The following SAP30BP variants were observed in gnomAD, a reference collection of about 807,000 sequenced individuals.
The protein encoded by SAP30BP is SAP30 binding protein, also known as SAP30-binding protein.
A neutral mutation model predicts 46.3 loss-of-function variants in SAP30BP; 31 were observed. The observed-to-expected ratio is 0.67, with a 90% confidence interval of 0.50 to 0.90. The LOEUF (loss-of-function observed/expected upper bound fraction) is 0.90. Ranked by LOEUF, SAP30BP falls within the 40% of genes least tolerant of loss-of-function variation. The pLI is 0.00. For synonymous variants in SAP30BP, 169 were observed against 144.2 expected (o/e 1.17, Z -1.23); for missense variants, 312 against 391.0 (o/e 0.80, Z 1.70).
At chr17:75,682,830 G>T (rs1352207876) in intron 3 of SAP30BP, among the ~76,000 whole-genome samples, 1 of 151,388 alleles carries the variant, frequency 6.6e-6, no homozygotes, top group Non-Finnish European at 1.5e-5. Flanking sequence ...AGACATGGTG[G>T]CACGTGCCTG....
At position 75,699,851 on chromosome 17, in the gene SAP30BP, A is replaced by G; in HGVS notation, c.376A>G (p.Arg126Gly). 6.2e-7 allele frequency: 1 copy of G among 1,612,914 alleles called. No homozygotes were observed. The highest frequency in any genetic ancestry group is 8.5e-7 in the Non-Finnish European group (1 of 1,178,942). ...EIKIPPEPPG[R>G]CSNHLQDKIQ... ...CAAGATCCCGCCAGAACCCCCTGGC[A>G]GATGTTCAAATCACTTGCAAGTAAG... is the stretch of plus-strand genomic sequence containing the variant. Residue 126 changes from arginine to glycine, a missense_variant, in exon 5 of 11, where the codon AGA becomes GGA. By Grantham distance (125) the Arg-to-Gly change is moderately radical (BLOSUM62 -2). Transcript: ENST00000584667.
intron 4 of SAP30BP, among the ~76,000 whole-genome samples, chr17:75,694,859 T>C (rs746887263): frequency 2.6e-5 from 4 of 152,266 alleles, no homozygotes; most frequent in Admixed American, 2.0e-4. Context: ...CAGAGCCAAC[T>C]TGTCACTTTT....
intron 3 of SAP30BP, among the ~76,000 whole-genome samples, chr17:75,687,915 G>GC (rs2060181341): frequency 1.1e-5 from 1 of 93,786 alleles, no homozygotes; most frequent in Non-Finnish European, 2.1e-5. Context: ...GACAGTGTTT[G>GC]GGGTGTGTGT....
At chr17:75,677,106 CTTTTTTT>C (rs35919373) in intron 3 of SAP30BP, among the ~76,000 whole-genome samples, 4 of 113,494 alleles carry the variant, frequency 3.5e-5, no homozygotes, top group African/African-American at 1.3e-4. Context: ...TGGCAGAAAA[CTTTTTTT>C]TTTTTTTTTT....
intron 2 of SAP30BP, among the ~76,000 whole-genome samples, chr17:75,670,673 C>G (rs1251989009): frequency 6.6e-6 from 1 of 152,180 alleles, no homozygotes; most frequent in Admixed American, 6.5e-5. Flanking sequence ...TTGTATTTGT[C>G]TGAGCTCCAT....
chr17:75,695,142 AATCAGG>A (rs1008969749), intron 4 of SAP30BP, among the ~76,000 whole-genome samples: 1 of 152,172 alleles, frequency 6.6e-6, no homozygotes, highest in African/African-American at 2.4e-5. Context: ...ATTTCCTATA[AATCAGG>A]ATCTCCCCAC....
intron 6 of SAP30BP, 75 bp downstream of exon 6, chr17:75,702,646 G>C: frequency 1.4e-6 from 1 of 694,248 alleles, no homozygotes; most frequent in Admixed American, 2.3e-5. Flanking sequence ...CCCCAAGGAG[G>C]TGGTGAGGAA....
chr17:75,685,299 C>T (rs1001638307), intron 3 of SAP30BP, among the ~76,000 whole-genome samples: 9 of 152,190 alleles, frequency 5.9e-5, no homozygotes, highest in Non-Finnish European at 1.0e-4. Flanking sequence ...CCAGCACTTC[C>T]GACCTTCGTT....
chr17:75,681,175 A>C (rs2060070725), intron 3 of SAP30BP, among the ~76,000 whole-genome samples: 1 of 152,218 alleles, frequency 6.6e-6, no homozygotes, highest in Admixed American at 6.5e-5. Context: ...TGACATGTGG[A>C]GTAAGGCTGT....
chr17:75,699,843 C>G lies in SAP30BP; in HGVS notation c.368C>G (p.Pro123Arg). 1 of 1,613,062 alleles carries G rather than the reference C, an allele frequency of 6.2e-7. No individual in the cohort carries two copies. The highest frequency in any genetic ancestry group is 8.5e-7 in the Non-Finnish European group (1 of 1,179,142). Residue 123 changes from proline (P) to arginine (R), a missense_variant, in exon 5 of 11, where the codon CCC becomes CGC. By Grantham distance (103) the Pro-to-Arg change is moderately radical (BLOSUM62 -2). Around this residue, in one of 2 missense-constraint regions of SAP30BP, gnomAD observed 296 missense variants for 346.6 expected, o/e 0.85. Transcript: ENST00000584667. Reference protein sequence around the residue: ...SPDEIKIPPEPPGRCSNHLQD... With the variant: ...SPDEIKIPPERPGRCSNHLQD... ...GATGAAATCAAGATCCCGCCAGAAC[C>G]CCCTGGCAGATGTTCAAATCACTTG...
chr17:75,701,839 T>C (rs2060415981), intron 5 of SAP30BP, among the ~76,000 whole-genome samples: 1 of 152,144 alleles, frequency 6.6e-6, no homozygotes. Context: ...TGGAACTGAT[T>C]AACCAGTTGG....
In SAP30BP at chr17:75,707,265, ACCT is replaced by A. The variant is rs72233484; in HGVS notation, c.*748_*750del. 0.012 allele frequency: 1,860 copies of A among 152,202 alleles called. 45 individuals are homozygous for A. Among genetic ancestry groups the A allele is most frequent in the African/African-American group, 0.041 (1,712 of 41,460 alleles). The allele number at this position is 152,202 out of a possible 1,614,324, so 9.4% of individuals were successfully genotyped here. On this transcript the variant is annotated 3_prime_UTR_variant, in exon 11 of 11. Transcript: ENST00000584667. Reference sequence around the variant, plus strand: ...AGCTGAGCAGCGGGGGAGATGAATCACCTCCTGCCTTGGCGAGGCGGCAGCTCA... The same window carrying A: ...AGCTGAGCAGCGGGGGAGATGAATCACCTGCCTTGGCGAGGCGGCAGCTCA...
intron 3 of SAP30BP, among the ~76,000 whole-genome samples, chr17:75,676,481 A>G (rs1004899470): frequency 2.0e-5 from 3 of 152,260 alleles, no homozygotes; most frequent in African/African-American, 7.2e-5. Flanking sequence ...TTTTTGTTTG[A>G]AAGCATGAAT....
chr17:75,704,854 T>G, intron 9 of SAP30BP, 40 bp downstream of exon 9: 1 of 1,494,250 alleles, frequency 6.7e-7, no homozygotes, highest in Non-Finnish European at 9.3e-7. Context: ...AAGGCACATG[T>G]GGAGTGCATG....
chr17:75,694,706 G>A (rs2060290517), intron 4 of SAP30BP, among the ~76,000 whole-genome samples: 1 of 152,226 alleles, frequency 6.6e-6, no homozygotes, highest in African/African-American at 2.4e-5. Flanking sequence ...CGACCCTGCT[G>A]TTTACTGTGA....
At chr17:75,676,948 T>C (rs1331393486) in intron 3 of SAP30BP, among the ~76,000 whole-genome samples, 1 of 152,144 alleles carries the variant, frequency 6.6e-6, no homozygotes, top group Non-Finnish European at 1.5e-5. Context: ...AAGGGGGCAT[T>C]GCTATGTGTG....
At chr17:75,705,182 C>CCTG in intron 9 of SAP30BP, 1 of 273,252 alleles carries the variant, frequency 3.7e-6, no homozygotes, top group South Asian at 4.0e-5. Context: ...GTGTCTTGGC[C>CCTG]TCCAGAGCTG....
rs1287087489 is a variant in SAP30BP at position 75,674,690 on chromosome 17, G to GTTTTTTTT, written c.264+2833_264+2834insTTTTTTTT. ...TTAAGCATATGAAGTTTTTTTGTTT[G>GTTTTTTTT]TTTTTTGTTTTTTTTTTTTTTTTTT... On this transcript the variant is annotated intron_variant, in intron 3 of 10. Transcript: ENST00000584667. 6.5e-3 allele frequency among the ~76,000 whole-genome samples: 257 copies of GTTTTTTTT among 39,556 alleles called. 20 individuals carry two copies. Among genetic ancestry groups the GTTTTTTTT allele is most frequent in the African/African-American group, 0.012 (176 of 15,102 alleles). The allele number at this position is 39,556 out of a possible 152,430, so 26.0% of individuals were successfully genotyped here.
chr17:75,699,826 C>T lies in SAP30BP; in HGVS notation c.351C>T (p.Ile117=). Residue 117 remains isoleucine (I), a synonymous_variant, in exon 5 of 11, where the codon ATC becomes ATT. Transcript: ENST00000584667. ...TTCGGAACATGTCGCCTGATGAAAT[C>T]AAGATCCCGCCAGAACCCCCTGGCA... ...ERVRNMSPDE[I]KIPPEPPGRC... is the part of the protein sequence containing the mutation. 1 of 1,613,632 alleles carries T rather than the reference C, an allele frequency of 6.2e-7. No individual in the cohort carries two copies. The highest frequency in any genetic ancestry group is 8.5e-7 in the Non-Finnish European group (1 of 1,179,588).
Sources: allele counts gnomAD v4.1 joint callset (sites outside exome capture counted in the v4.1 genomes callset), GRCh38; gene constraint gnomAD v4.1.1; regional missense constraint gnomAD v4.1.1; transcripts MANE v1.5; gene names NCBI Gene and HGNC (gene_info 2026-07-23, HGNC 2026-07-21).